The following KCNN2 variants were observed in gnomAD, a reference collection of about 807,000 sequenced individuals.
The protein encoded by KCNN2 is small conductance calcium-activated potassium channel protein 2.
Under a neutral mutation model 55.5 loss-of-function variants are expected in KCNN2, and 24 were observed. The ratio of observed to expected loss-of-function variants is 0.43; its 90% CI spans 0.31 to 0.61. KCNN2 has a LOEUF of 0.61. Among genes scored for constraint, KCNN2 ranks in the 20% least tolerant of loss-of-function variants. KCNN2 has a pLI of 0.08. For synonymous variants in KCNN2, 431 were observed against 336.1 expected, an observed-to-expected ratio of 1.28 and a Z score of -3.09; for missense variants, 754 against 853.6, an observed-to-expected ratio of 0.88 and a Z score of 1.45.
intron 4 of KCNN2, among the ~76,000 whole-genome samples, chr5:114,472,332 CTTTT>C (rs1192964982): frequency 2.0e-5 from 3 of 152,168 alleles, no homozygotes; most frequent in Non-Finnish European, 4.4e-5. Flanking sequence ...CACAGAGTCT[CTTTT>C]TCAAGAGATC....
intron 3 of KCNN2, among the ~76,000 whole-genome samples, chr5:114,407,275 A>G (rs891211369): frequency 7.9e-5 from 12 of 151,426 alleles, no homozygotes; most frequent in East Asian, 7.8e-4. Context: ...TTATTCCCTA[A>G]TTTTCTTATT....
At chr5:114,413,894 C>G (rs896142499) in intron 3 of KCNN2, among the ~76,000 whole-genome samples, 1 of 152,150 alleles carries the variant, frequency 6.6e-6, no homozygotes, top group African/African-American at 2.4e-5. Context: ...TATACATCAG[C>G]AGCATGCATG....
In KCNN2 at chr5:114,409,710, CCTT is replaced by C. The variant is rs879263550; in HGVS notation, c.1637+4857_1637+4859del. Among the ~76,000 whole-genome samples, 62 of 151,974 alleles carry C rather than the reference CCTT, an allele frequency of 4.1e-4. No homozygotes were observed. In the East Asian group the frequency reaches 5.8e-3, roughly 14 times the overall value. ...GTTTGCATTAAAAACCTATTCCTGT[CCTT>C]CTAGGAGCACAAGATTCAGGATTTC... On this transcript the variant is annotated intron_variant, in intron 3 of 7. Coordinates refer to ENST00000673685, the MANE Select transcript of KCNN2 (RefSeq NM_021614.4).
intron 2 of KCNN2, among the ~76,000 whole-genome samples, chr5:114,370,790 G>A (rs1366233596): frequency 6.6e-6 from 1 of 152,084 alleles, no homozygotes; most frequent in Non-Finnish European, 1.5e-5. Flanking sequence ...TCAAGGACTT[G>A]AGACCATTGT....
chr5:114,389,627 A>G (rs1483535630), intron 2 of KCNN2, among the ~76,000 whole-genome samples: 1 of 152,174 alleles, frequency 6.6e-6, no homozygotes, highest in African/African-American at 2.4e-5. Flanking sequence ...CATCCCAAAT[A>G]CCGTGTGAAC....
chr5:114,157,324 A>C (rs2112525351), intron 1 of KCNN2, among the ~76,000 whole-genome samples: 1 of 152,224 alleles, frequency 6.6e-6, no homozygotes, highest in East Asian at 1.9e-4. Context: ...GTCCCTACAA[A>C]GGACATGAAC....
At chr5:114,232,313 A>T (rs1403164621) in intron 2 of KCNN2, among the ~76,000 whole-genome samples, 1 of 151,334 alleles carries the variant, frequency 6.6e-6, no homozygotes, top group Non-Finnish European at 1.5e-5. Flanking sequence ...ATTCTAAATT[A>T]GTGTTATAAA....
At chr5:114,306,972 G>A (rs1756291739) in intron 2 of KCNN2, among the ~76,000 whole-genome samples, 1 of 151,868 alleles carries the variant, frequency 6.6e-6, no homozygotes, top group Non-Finnish European at 1.5e-5. Flanking sequence ...CCAAAGTGCT[G>A]GGATTACAGG....
intron 1 of KCNN2, among the ~76,000 whole-genome samples, chr5:114,193,415 G>C (rs1753488479): frequency 6.6e-6 from 1 of 152,050 alleles, no homozygotes; most frequent in Non-Finnish European, 1.5e-5. Flanking sequence ...GTTTCCTCTT[G>C]CTCCAAAGTC....
chr5:114,084,887 T>G (rs1018515213), intron 1 of KCNN2, among the ~76,000 whole-genome samples: 1 of 151,990 alleles, frequency 6.6e-6, no homozygotes, highest in Non-Finnish European at 1.5e-5. Flanking sequence ...GCATGTCCAT[T>G]TGTTCTAGCA....
chr5:114,137,229 A>T (rs994019330), intron 1 of KCNN2, among the ~76,000 whole-genome samples: 2 of 152,148 alleles, frequency 1.3e-5, no homozygotes, highest in Non-Finnish European at 2.9e-5. Context: ...AGAGATAAAA[A>T]TGTCTTCAAT....
chr5:114,358,827 AG>A (rs1421865910), upstream of KCNN2, among the ~76,000 whole-genome samples: 6 of 152,326 alleles, frequency 3.9e-5, no homozygotes, highest in East Asian at 1.2e-3. Flanking sequence ...TAGAAAAAAA[AG>A]AAATCATGTT....
At chr5:114,306,321 A>G (rs1756269734) in intron 2 of KCNN2, among the ~76,000 whole-genome samples, 1 of 152,190 alleles carries the variant, frequency 6.6e-6, no homozygotes, top group Non-Finnish European at 1.5e-5. Flanking sequence ...GGTTAACTTT[A>G]TAGGTGCCCA....
intron 2 of KCNN2, among the ~76,000 whole-genome samples, chr5:114,342,122 C>T (rs36934): frequency 1 from 151,801 of 151,902 alleles, 75,850 homozygotes; most frequent in South Asian, 1. Context: ...AGGATGGTCT[C>T]GATCTCCTGA....
Position 114,392,189 on chromosome 5 carries a change from A to C in KCNN2, c.1219-12249A>C, listed in dbSNP as rs77423034. On this transcript the variant is annotated intron_variant, in intron 2 of 7. Coordinates refer to ENST00000673685, the MANE Select transcript of KCNN2 (RefSeq NM_021614.4). ...CACTTGATAGTGTTGCCTACAACATATGATATGTGTTCATTTTATTATTAA... is the reference window on the plus strand; with the variant it reads ...CACTTGATAGTGTTGCCTACAACATCTGATATGTGTTCATTTTATTATTAA... Among the ~76,000 whole-genome samples, 698 of 152,308 alleles carry C rather than the reference A, an allele frequency of 4.6e-3. 4 individuals are homozygous for C. Among genetic ancestry groups the C allele is most frequent in the African/African-American group, 0.016 (656 of 41,570 alleles).
chr5:114,334,731 A>AT (rs928546084), intron 2 of KCNN2, among the ~76,000 whole-genome samples: 6 of 152,090 alleles, frequency 3.9e-5, no homozygotes, highest in Admixed American at 3.3e-4. Flanking sequence ...TAAAGTACTA[A>AT]TACTATGTAT....
intron 3 of KCNN2, among the ~76,000 whole-genome samples, chr5:114,434,221 A>C (rs1253516543): frequency 2.0e-5 from 3 of 151,134 alleles, no homozygotes. Context: ...AATATCTTCA[A>C]GCTCAGAGAT....
Position 114,300,734 on chromosome 5 carries a change from T to C in KCNN2, c.-184-60211T>C, listed in dbSNP as rs141992352. On this transcript the variant is annotated intron_variant, in intron 2 of 10. Coordinates refer to the KCNN2 transcript ENST00000512097. ...CTCTGACAGGAGTGTATCCACATATTTTTAAAGAATAAATGTTGATTACAA... is the reference window on the plus strand; with the variant it reads ...CTCTGACAGGAGTGTATCCACATATCTTTAAAGAATAAATGTTGATTACAA... Among the ~76,000 whole-genome samples, 249 of 152,358 alleles carry C rather than the reference T, an allele frequency of 1.6e-3. 1 individual carries two copies. Among genetic ancestry groups the C allele is most frequent in the African/African-American group, 5.4e-3 (225 of 41,590 alleles).
intron 1 of KCNN2, among the ~76,000 whole-genome samples, chr5:114,067,985 G>A (rs1169355563): frequency 1.3e-5 from 2 of 152,150 alleles, no homozygotes; most frequent in Non-Finnish European, 2.9e-5. Flanking sequence ...GGAATCACCT[G>A]TTTATTTTAC....
Sources: allele counts gnomAD v4.1 joint callset (sites outside exome capture counted in the v4.1 genomes callset), GRCh38; gene constraint gnomAD v4.1.1; transcripts MANE v1.5; gene names NCBI Gene and HGNC (gene_info 2026-07-23, HGNC 2026-07-21).